ESCO2: variants seen among roughly 807,000 people sequenced by gnomAD.
ESCO2 encodes establishment of sister chromatid cohesion N-acetyltransferase 2.
Under a neutral mutation model 61.7 loss-of-function variants are expected in ESCO2, and 51 were observed. The observed-to-expected ratio is 0.83, with a 90% CI of 0.66 to 1.04. ESCO2 has a LOEUF of 1.04. ESCO2 is among the 50% of genes least tolerant of loss of function. ESCO2 has a pLI of 0.00. For missense variants in ESCO2, 692 were observed against 686.2 expected (o/e 1.01, Z -0.09); for synonymous variants, 230 against 238.2 (o/e 0.97, Z 0.32).
chr8:27,794,811 G>A (rs1044267871), intron 9 of ESCO2, among the ~76,000 whole-genome samples: 15 of 151,984 alleles, frequency 9.9e-5, no homozygotes, highest in African/African-American at 3.4e-4. Flanking sequence ...CATTTTTCCC[G>A]ACACCATTTA....
chr8:27,775,893 A>G (rs901712193), intron 2 of ESCO2, among the ~76,000 whole-genome samples: 1 of 152,154 alleles, frequency 6.6e-6, no homozygotes, highest in African/African-American at 2.4e-5. Context: ...CTGTTCCCCT[A>G]TAATATTTTA....
In ESCO2 at chr8:27,775,492, C is replaced by A; in HGVS notation, c.-16-7C>A. 3.1e-6 allele frequency: 5 copies of A among 1,611,170 alleles called. No homozygotes were observed. Among genetic ancestry groups the A allele is most frequent in the Non-Finnish European group, 4.2e-6 (5 of 1,177,380 alleles). On this transcript the variant is annotated splice_region_variant and splice_polypyrimidine_tract_variant and intron_variant, in intron 1 of 10. Coordinates refer to ENST00000305188, the MANE Select transcript of ESCO2 (RefSeq NM_001017420.3). ...TTGATGAATGTGGTTATTGTCATTT[C>A]TTTTAGGAATTCAATAAAGAAAATG...
intron 2 of ESCO2, 114 bp from the exon 3 acceptor site, chr8:27,776,248 G>T: frequency 1.3e-6 from 1 of 778,072 alleles, no homozygotes; most frequent in South Asian, 1.7e-5. Flanking sequence ...TGTGTGTATG[G>T]GGGGTACATG....
chr8:27,802,470 G>GGT lies in ESCO2; in HGVS notation c.1674-834_1674-833dup, dbSNP rs201051452. Among the ~76,000 whole-genome samples, 739 of 149,450 alleles carry GGT rather than the reference G, an allele frequency of 4.9e-3. 15 individuals are homozygous for GGT. The East Asian group carries it at 0.098, about 20-fold the overall frequency. On this transcript the variant is annotated intron_variant, in intron 10 of 10. Coordinates refer to ENST00000305188, the MANE Select transcript of ESCO2 (RefSeq NM_001017420.3). The stretch of plus-strand genomic sequence containing the variant: ...AATAAATACCAAATTAGCCGGGTGT[G>GGT]GTGGTGCATGCCTGTAATCCCAGCT...
intron 9 of ESCO2, among the ~76,000 whole-genome samples, chr8:27,795,757 T>G (rs766669564): frequency 7.9e-5 from 12 of 152,192 alleles, no homozygotes; most frequent in Non-Finnish European, 5.9e-5. Context: ...GATGATCATA[T>G]AGTTTTGTTC....
rs369833379 is a variant in ESCO2, at chr8:27,795,564, G to C, written c.1497+2753G>C. On this transcript the variant is annotated intron_variant, in intron 9 of 10. Coordinates refer to ENST00000305188, the MANE Select transcript of ESCO2 (RefSeq NM_001017420.3). ...GAACTATGTAGAATAGAAATGATGAGAGTTAGCATCCTTGTCTTGTTCCTG... is the reference window on the plus strand; with the variant it reads ...GAACTATGTAGAATAGAAATGATGACAGTTAGCATCCTTGTCTTGTTCCTG... Among the ~76,000 whole-genome samples, 8 of 152,132 alleles carry C rather than the reference G, an allele frequency of 5.3e-5. No individual in the cohort carries two copies. The East Asian group carries it at 1.2e-3, about 22-fold the overall frequency.
intron 10 of ESCO2, among the ~76,000 whole-genome samples, chr8:27,802,630 AATATATATATATATATATATATATATTAT>A (rs1225606686): frequency 1.9e-3 from 89 of 45,840 alleles, no homozygotes; most frequent in East Asian, 8.5e-3. Flanking sequence ...AAAAAAAAAA[AATATATATATATATATATATATATATTAT>A]ATATATATAT....
intron 8 of ESCO2, 140 bp from the exon 9 acceptor site, chr8:27,792,528 T>A (rs1259868549): frequency 1.1e-6 from 1 of 886,920 alleles, no homozygotes; most frequent in African/African-American, 1.7e-5. Context: ...AGTGAAATAA[T>A]TTTGGAGGTG....
downstream of ESCO2, among the ~76,000 whole-genome samples, chr8:27,806,726 T>C (rs368730330): frequency 6.6e-6 from 1 of 152,070 alleles, no homozygotes; most frequent in South Asian, 2.1e-4. Context: ...TTCAAGCTAT[T>C]GTCTGCCTCA....
At chr8:27,778,951 C>G (rs1299000564) in intron 3 of ESCO2, 2 of 152,240 alleles carry the variant, frequency 1.3e-5, no homozygotes, top group African/African-American at 2.4e-5. Context: ...AGTCTCACTC[C>G]GTTGCCCAGG....
intron 9 of ESCO2, among the ~76,000 whole-genome samples, chr8:27,796,958 A>T (rs1464636082): frequency 2.0e-5 from 3 of 152,034 alleles, no homozygotes; most frequent in Non-Finnish European, 4.4e-5. Flanking sequence ...CTGTCTTTAC[A>T]AAAATTAGCC....
intron 5 of ESCO2, 51 bp from the exon 6 acceptor site, chr8:27,787,834 T>G (rs1369904646): frequency 7.0e-7 from 1 of 1,418,882 alleles, no homozygotes; most frequent in South Asian, 1.2e-5. Context: ...TTCTTTCCCT[T>G]GTAATTCCTC....
intron 3 of ESCO2, chr8:27,778,177 T>G (rs1804842145): frequency 6.6e-6 from 1 of 152,258 alleles, no homozygotes; most frequent in Non-Finnish European, 1.5e-5. Flanking sequence ...AATATCAGGC[T>G]GAGTATCATA....
intron 3 of ESCO2, 124 bp downstream of exon 3, chr8:27,777,293 AC>A: frequency 1.1e-6 from 1 of 882,524 alleles, no homozygotes. Flanking sequence ...GTGTTTAGTT[AC>A]TGTAAGGAGT....
At chr8:27,793,361 A>T (rs1805221026) in intron 9 of ESCO2, among the ~76,000 whole-genome samples, 1 of 152,168 alleles carries the variant, frequency 6.6e-6, no homozygotes, top group Admixed American at 6.6e-5. Flanking sequence ...TGATATTTTG[A>T]TATAGGTATA....
intron 5 of ESCO2, among the ~76,000 whole-genome samples, chr8:27,787,535 C>T (rs556424083): frequency 6.6e-6 from 1 of 152,184 alleles, no homozygotes; most frequent in South Asian, 2.1e-4. Flanking sequence ...AAATATTGTC[C>T]TAAGATTTGA....
intron 7 of ESCO2, among the ~76,000 whole-genome samples, chr8:27,789,208 G>A (rs750771112): frequency 1.3e-5 from 2 of 152,098 alleles, no homozygotes; most frequent in Non-Finnish European, 2.9e-5. Flanking sequence ...TCCCACTATA[G>A]TGTTGTCTTT....
chr8:27,808,215 A>G (rs1319779711), downstream of ESCO2: 1 of 1,247,714 alleles, frequency 8.0e-7, no homozygotes, highest in Admixed American at 2.6e-5. Context: ...TTAAATAGGT[A>G]CCAGGAGACA....
chr8:27,803,607 A>C lies in ESCO2; in HGVS notation c.*169A>C. 1 of 1,386,652 alleles carries C rather than the reference A, an allele frequency of 7.2e-7. No individual in the cohort carries two copies. Among genetic ancestry groups the C allele is most frequent in the Non-Finnish European group, 9.3e-7 (1 of 1,077,722 alleles). The allele number at this position is 1,386,652 out of a possible 1,614,324, so 85.9% of individuals were successfully genotyped here. ...CACAGTTTTGTTCCTTATGAGTTGA[A>C]AAGTCAGGAATAAATTTGTTGAAAA... On this transcript the variant is annotated 3_prime_UTR_variant, in exon 11 of 11. Transcript: ENST00000305188.
Sources: allele counts gnomAD v4.1 joint callset (sites outside exome capture counted in the v4.1 genomes callset), GRCh38; gene constraint gnomAD v4.1.1; transcripts MANE v1.5; gene names NCBI Gene and HGNC (gene_info 2026-07-23, HGNC 2026-07-21).